UNC13C: variants seen among roughly 807,000 people sequenced by gnomAD.
UNC13C encodes the protein unc-13 homolog C, also known as protein unc-13 homolog C.
UNC13C carries 174 observed loss-of-function variants against 245.4 expected under a neutral mutation model. The ratio of observed to expected loss-of-function variants is 0.71; its 90% CI spans 0.63 to 0.80. The LOEUF (loss-of-function observed/expected upper bound fraction) is 0.80. UNC13C is among the 30% of genes least tolerant of loss of function. UNC13C has a pLI of 0.00. For missense variants in UNC13C, 2,829 were observed against 2,602.9 expected, an observed-to-expected ratio of 1.09 and a Z score of -1.89; for synonymous variants, 992 against 895.1, an observed-to-expected ratio of 1.11 and a Z score of -1.93.
intron 2 of UNC13C, among the ~76,000 whole-genome samples, chr15:54,073,079 T>A (rs1173993273): frequency 1.3e-5 from 2 of 152,070 alleles, no homozygotes; most frequent in Admixed American, 1.3e-4. Flanking sequence ...CCCCTCCCTG[T>A]GTCCATGGGT....
chr15:54,376,221 T>C (rs538058471), intron 17 of UNC13C, among the ~76,000 whole-genome samples: 5 of 152,292 alleles, frequency 3.3e-5, no homozygotes, highest in South Asian at 2.1e-4. Context: ...AAGTTATTTA[T>C]GTTTATTTCA....
chr15:53,902,574 A>T, the UNC13C span, among the ~76,000 whole-genome samples: 1 of 152,238 alleles, frequency 6.6e-6, no homozygotes, highest in African/African-American at 2.4e-5. Context: ...TAAAATATTG[A>T]GACTAGCAAG....
At chr15:54,410,519 T>C (rs142446333) in intron 18 of UNC13C, among the ~76,000 whole-genome samples, 327 of 152,314 alleles carry the variant, frequency 2.1e-3, no homozygotes, top group African/African-American at 7.5e-3. Context: ...TTGTCTTTAA[T>C]TCATCTTGAG....
rs1158175101 is a variant in UNC13C at position 54,622,349 on chromosome 15, G to T, written c.6129G>T (p.Val2043=). 6.2e-7 allele frequency: 1 copy of T among 1,613,218 alleles called. No homozygotes were observed. Among genetic ancestry groups the T allele is most frequent in the East Asian group, 2.2e-5 (1 of 44,854 alleles). Residue 2043 remains valine (V), a synonymous_variant, in exon 31 of 33, where the codon GTG becomes GTT. Coordinates refer to ENST00000260323, the MANE Select transcript of UNC13C (RefSeq NM_001080534.3). ...CAGGTCGTTCCTCCAAAGATGCCGT[G>T]GGTCAGATATCTGTTCATGTGGACA... The part of the protein sequence containing the change: ...TSQSRSSKDA[V]GQISVHVDIT...
the UNC13C span, among the ~76,000 whole-genome samples, chr15:53,958,095 A>G: frequency 1.3e-5 from 2 of 152,188 alleles, no homozygotes; most frequent in African/African-American, 4.8e-5. Context: ...AATTAATAGG[A>G]GCATGAGAAA....
intron 24 of UNC13C, among the ~76,000 whole-genome samples, chr15:54,512,883 C>A (rs2141118898): frequency 6.6e-6 from 1 of 152,226 alleles, no homozygotes; most frequent in Non-Finnish European, 1.5e-5. Flanking sequence ...TTACACTTCT[C>A]CAATGTCTGT....
At chr15:54,547,422 ATC>A in intron 27 of UNC13C, among the ~76,000 whole-genome samples, 1 of 152,340 alleles carries the variant, frequency 6.6e-6, no homozygotes, top group Non-Finnish European at 1.5e-5. Context: ...AGAGCCAGGT[ATC>A]TCTGTTCACA....
chr15:54,624,039 G>A, intron 32 of UNC13C, 85 bp downstream of exon 32: 2 of 1,522,048 alleles, frequency 1.3e-6, no homozygotes, highest in Non-Finnish European at 1.8e-6. Flanking sequence ...AGTGTGAAGG[G>A]CTAAGGAAAA....
At chr15:54,421,318 C>G (rs2040638154) in intron 19 of UNC13C, among the ~76,000 whole-genome samples, 1 of 151,862 alleles carries the variant, frequency 6.6e-6, no homozygotes, top group Admixed American at 6.6e-5. Flanking sequence ...GACTGTATTA[C>G]TAGAAGAATG....
At chr15:54,400,220 C>T (rs987168904) in intron 18 of UNC13C, among the ~76,000 whole-genome samples, 1 of 151,868 alleles carries the variant, frequency 6.6e-6, no homozygotes, top group Non-Finnish European at 1.5e-5. Flanking sequence ...ATTGTGTAAT[C>T]CCTATTCCAT....
At chr15:54,488,488 C>A (rs1016283554) in intron 19 of UNC13C, among the ~76,000 whole-genome samples, 2 of 152,082 alleles carry the variant, frequency 1.3e-5, no homozygotes, top group African/African-American at 2.4e-5. Context: ...AAAGTAAGGA[C>A]TGAAAAACAA....
intron 24 of UNC13C, among the ~76,000 whole-genome samples, chr15:54,518,402 C>T (rs948002267): frequency 3.3e-5 from 5 of 152,110 alleles, no homozygotes; most frequent in Non-Finnish European, 7.3e-5. Context: ...TGCCAAGTCT[C>T]TTTTTAAACT....
chr15:54,130,122 T>A, intron 2 of UNC13C, among the ~76,000 whole-genome samples: 1 of 151,862 alleles, frequency 6.6e-6, no homozygotes, highest in Admixed American at 6.6e-5. Flanking sequence ...TCTTTTCCTA[T>A]AAAATAAGGC....
At chr15:54,058,976 C>A (rs147212010) in intron 2 of UNC13C, among the ~76,000 whole-genome samples, 9,165 of 152,140 alleles carry the variant, frequency 0.06, 446 homozygotes, top group South Asian at 0.14. Context: ...ATAATAAGAG[C>A]TATCTATGAC....
At chr15:53,972,633 T>A in the UNC13C span, 1 of 152,206 alleles carries the variant, frequency 6.6e-6, no homozygotes, top group Non-Finnish European at 1.5e-5. Flanking sequence ...CACAAAATTT[T>A]GAATCCATGC....
At chr15:54,222,497 T>G (rs1421839796) in intron 4 of UNC13C, among the ~76,000 whole-genome samples, 6 of 152,154 alleles carry the variant, frequency 3.9e-5, no homozygotes, top group African/African-American at 1.4e-4. Flanking sequence ...CATCTGATGA[T>G]GGACATTTAG....
intron 4 of UNC13C, among the ~76,000 whole-genome samples, chr15:54,207,155 T>C (rs1487050713): frequency 6.6e-6 from 1 of 151,886 alleles, no homozygotes; most frequent in Non-Finnish European, 1.5e-5. Flanking sequence ...ATGATGATAA[T>C]TACAAGGATT....
chr15:54,188,631 C>T (rs185458339), intron 4 of UNC13C, among the ~76,000 whole-genome samples: 11 of 152,294 alleles, frequency 7.2e-5, no homozygotes, highest in African/African-American at 9.6e-5. Context: ...TTAATAAGTA[C>T]ACTATTGCCT....
Position 54,203,484 on chromosome 15 carries a change from G to GTGTGTGTGTA in UNC13C, c.3072-31545_3072-31544insGTGTGTGTAT, listed in dbSNP as rs796426371. 2.0e-3 allele frequency among the ~76,000 whole-genome samples: 283 copies of GTGTGTGTGTA among 139,754 alleles called. 2 individuals carry two copies. The highest frequency in any genetic ancestry group is 5.2e-3 in the South Asian group (23 of 4,400). The allele number at this position is 139,754 out of a possible 152,430, so 91.7% of individuals were successfully genotyped here. A position where few individuals can be genotyped will look rare whatever the true frequency, so the allele number is the denominator to read the frequency against. On this transcript the variant is annotated intron_variant, in intron 4 of 32. Coordinates refer to ENST00000260323, the MANE Select transcript of UNC13C (RefSeq NM_001080534.3). ...GTAGTGTGTGTGTATATGTGTGTGT[G>GTGTGTGTGTA]TATATATATATATATATATACACAC...
Sources: gnomAD v4.1 joint callset for allele counts (sites outside exome capture counted in the v4.1 genomes callset) on GRCh38, gnomAD v4.1.1 for gene constraint, MANE v1.5 for transcripts, NCBI Gene and HGNC (gene_info 2026-07-23, HGNC 2026-07-21) for gene names.